MAST2: variants seen among roughly 807,000 people sequenced by gnomAD.
MAST2 encodes the protein microtubule-associated serine/threonine-protein kinase 2.
In MAST2, 70 loss-of-function variants were observed where a neutral mutation model predicts 147.4. The ratio of observed to expected loss-of-function variants is 0.47; its 90% CI spans 0.39 to 0.58. The LOEUF is 0.58. Among genes scored for constraint, MAST2 ranks in the 20% least tolerant of loss-of-function variants. The pLI is 0.00. For synonymous variants in MAST2, 869 were observed against 896.8 expected (o/e 0.97, Z 0.55); for missense variants, 2,080 against 2,302.3 (o/e 0.90, Z 1.98).
intron 4 of MAST2, among the ~76,000 whole-genome samples, chr1:45,915,267 CTGTTT>C (rs1652295474): frequency 6.6e-6 from 1 of 152,152 alleles, no homozygotes; most frequent in African/African-American, 2.4e-5. Context: ...ATCATTTTCT[CTGTTT>C]TACTGACTTT....
intron 15 of MAST2, chr1:46,024,202 C>T: frequency 1.9e-6 from 1 of 538,128 alleles, no homozygotes; most frequent in South Asian, 2.0e-5. Context: ...TAGGATGTAG[C>T]AGGCCAGCAG....
chr1:46,009,312 C>G (rs1197242875), intron 9 of MAST2, among the ~76,000 whole-genome samples: 1 of 152,198 alleles, frequency 6.6e-6, no homozygotes, highest in Non-Finnish European at 1.5e-5. Flanking sequence ...CCTCAGCCTC[C>G]CAAAGTGCTG....
At chr1:45,887,792 G>A (rs1647160897) in intron 4 of MAST2, among the ~76,000 whole-genome samples, 2 of 152,158 alleles carry the variant, frequency 1.3e-5, no homozygotes, top group Non-Finnish European at 2.9e-5. Flanking sequence ...AGGAAATTTT[G>A]CAATCTTTCA....
intron 3 of MAST2, among the ~76,000 whole-genome samples, chr1:45,838,373 C>T (rs1172040313): frequency 1.3e-5 from 2 of 151,474 alleles, no homozygotes; most frequent in African/African-American, 4.9e-5. Flanking sequence ...GCATGCACCA[C>T]CATGCCTGGC....
chr1:45,838,500 GGTGTCA>G (rs1179237222), intron 3 of MAST2, among the ~76,000 whole-genome samples: 1 of 151,990 alleles, frequency 6.6e-6, no homozygotes, highest in East Asian at 1.9e-4. Context: ...TGGGATTACA[GGTGTCA>G]GCCAATGCGC....
intron 4 of MAST2, 83 bp from the exon 5 acceptor site, chr1:45,959,303 C>G (rs1055227962): frequency 9.7e-7 from 1 of 1,035,090 alleles, no homozygotes. Context: ...AATGGTGTCC[C>G]TCTTTAGTTC....
intron 27 of MAST2, 61 bp from the exon 28 acceptor site, chr1:46,034,012 G>C: frequency 6.2e-7 from 1 of 1,605,332 alleles, no homozygotes; most frequent in Non-Finnish European, 8.5e-7. Flanking sequence ...CCTTGGCCCT[G>C]GGGGTCCAGT....
chr1:45,829,734 T>A (rs1255129843), intron 3 of MAST2, among the ~76,000 whole-genome samples, 153 bp downstream of exon 3: 3 of 152,216 alleles, frequency 2.0e-5, no homozygotes, highest in Non-Finnish European at 2.9e-5. Context: ...TTATTTTTTT[T>A]AGAGATAGGG....
intron 5 of MAST2, among the ~76,000 whole-genome samples, chr1:45,971,427 G>A (rs1292232057): frequency 1.3e-5 from 2 of 152,178 alleles, no homozygotes; most frequent in Admixed American, 6.5e-5. Context: ...GAGTCAGTGG[G>A]GACAGGCCTG....
intron 5 of MAST2, among the ~76,000 whole-genome samples, chr1:45,976,166 G>A (rs577896368): frequency 4.0e-5 from 6 of 151,780 alleles, no homozygotes; most frequent in East Asian, 1.9e-4. Flanking sequence ...TAGTAGAGAC[G>A]GGGTATCACC....
intron 5 of MAST2, among the ~76,000 whole-genome samples, chr1:45,972,504 G>A (rs1192492686): frequency 6.6e-6 from 1 of 152,268 alleles, no homozygotes; most frequent in East Asian, 1.9e-4. Flanking sequence ...TAGTCTTGGA[G>A]AGGGGTGGCA....
In MAST2 at chr1:45,803,828, C is replaced by A. The variant is rs1644059418; in HGVS notation, c.-68C>A. On this transcript the variant is annotated 5_prime_UTR_variant, in exon 1 of 29. In the 5' UTR this introduces an upstream ATG that the reference lacks. Coordinates refer to ENST00000361297, the MANE Select transcript of MAST2 (RefSeq NM_015112.3). The stretch of plus-strand genomic sequence containing the variant: ...GCGGGTGGTGGTTGGCGCGGCTGCG[C>A]TGCGGCCCGGGGCAGTGCGGAGCCG... 1 of 418,394 alleles carries A rather than the reference C, an allele frequency of 2.4e-6. No homozygotes were observed. The highest frequency in any genetic ancestry group is 4.0e-6 in the Non-Finnish European group (1 of 252,660). 25.9% of individuals were successfully genotyped at this position (418,394 alleles called of 1,614,324 possible). A position where few individuals can be genotyped will look rare whatever the true frequency, so the allele number is the denominator to read the frequency against.
rs1475421248 is a variant in MAST2, at chr1:46,034,844, A to G, written c.4175A>G (p.Lys1392Arg). The G allele has an allele frequency of 3.7e-6, 6 of 1,614,214 alleles. No homozygotes were observed. The East Asian group carries it at 1.3e-4, about 36-fold the overall frequency. ...PPLGRQLSRP[K>R]SAEPPRSPLL... ...CTGGGCAGGCAACTCTCACGGCCCA[A>G]GAGTGCGGAGCCACCCCGTTCACCA... Residue 1392 changes from lysine (K) to arginine (R), a missense_variant, in exon 29 of 29, where the codon AAG (lysine) becomes AGG (arginine). Coordinates refer to ENST00000361297, the MANE Select transcript of MAST2 (RefSeq NM_015112.3).
chr1:45,910,180 A>G (rs952584732), intron 4 of MAST2, among the ~76,000 whole-genome samples: 2 of 148,726 alleles, frequency 1.3e-5, no homozygotes, highest in African/African-American at 5.0e-5. Context: ...TTCCTCTTCT[A>G]AGCTCCACTG....
intron 4 of MAST2, among the ~76,000 whole-genome samples, chr1:45,894,875 G>A (rs947617081): frequency 2.6e-5 from 4 of 152,098 alleles, no homozygotes; most frequent in Non-Finnish European, 4.4e-5. Flanking sequence ...GAATCAGTAA[G>A]TGTTTTTTAA....
intron 4 of MAST2, among the ~76,000 whole-genome samples, chr1:45,959,116 G>C (rs529518679): frequency 6.6e-6 from 1 of 152,120 alleles, no homozygotes; most frequent in Non-Finnish European, 1.5e-5. Flanking sequence ...AGCTCCTTGT[G>C]TTTGCTTGGG....
intron 3 of MAST2, among the ~76,000 whole-genome samples, chr1:45,842,361 G>A (rs1292217508): frequency 1.3e-5 from 2 of 152,098 alleles, no homozygotes; most frequent in Non-Finnish European, 2.9e-5. Flanking sequence ...CAATTCAGTG[G>A]CATTTAGTAC....
rs1393846773 is a variant in MAST2, at chr1:46,023,986, G to A, written c.1780+6G>A. The A allele has an allele frequency of 3.7e-6, 6 of 1,613,910 alleles. No homozygotes were observed. Among genetic ancestry groups the A allele is most frequent in the Non-Finnish European group, 5.1e-6 (6 of 1,179,760 alleles). On this transcript the variant is annotated splice_donor_region_variant and intron_variant, in intron 15 of 28. Coordinates refer to ENST00000361297, the MANE Select transcript of MAST2 (RefSeq NM_015112.3). This position sits in a 1 kb window ranked among gnomAD's most constrained non-coding sequence, Gnocchi z 4.9. ...GGTGATGGAGTACGTTGAAGGTACT[G>A]AGGCAAAGGTGGCCTGGCATGGAGG...
chr1:46,034,421 G>T, intron 28 of MAST2, 117 bp from the exon 29 acceptor site: 1 of 1,336,904 alleles, frequency 7.5e-7, no homozygotes, highest in Non-Finnish European at 1.0e-6. Flanking sequence ...TGATGGGGAA[G>T]GGGGTAGCTT....
Sources: gnomAD v4.1 joint callset for allele counts (sites outside exome capture counted in the v4.1 genomes callset) on GRCh38, gnomAD v4.1.1 for gene constraint, Gnocchi (gnomAD v3.1) non-coding constraint, MANE v1.5 for transcripts, NCBI Gene and HGNC (gene_info 2026-07-23, HGNC 2026-07-21) for gene names.